EAF2: variants seen among roughly 807,000 people sequenced by gnomAD.
EAF2 encodes ELL associated factor 2.
EAF2 carries 29 observed loss-of-function variants against 29.4 expected under a neutral mutation model. The observed-to-expected ratio is 0.99, with a 90% CI of 0.73 to 1.35. The LOEUF is 1.35. EAF2 is among the 40% of genes most tolerant of loss of function. The pLI is 0.00. For synonymous variants in EAF2, 103 were observed against 102.5 expected, an observed-to-expected ratio of 1.00 and a Z score of -0.03; for missense variants, 292 against 312.0, an observed-to-expected ratio of 0.94 and a Z score of 0.48.
chr3:121,885,250 C>T (rs890743801), intron 5 of EAF2, among the ~76,000 whole-genome samples: 1 of 152,124 alleles, frequency 6.6e-6, no homozygotes, highest in African/African-American at 2.4e-5. Flanking sequence ...TTTAATTAGT[C>T]CTATAAACTC....
intron 4 of EAF2, among the ~76,000 whole-genome samples, chr3:121,863,114 G>A (rs1708862563): frequency 6.6e-6 from 1 of 152,192 alleles, no homozygotes; most frequent in Non-Finnish European, 1.5e-5. Flanking sequence ...CTACTGGGAG[G>A]TGTCTCCCAG....
intron 2 of EAF2, among the ~76,000 whole-genome samples, chr3:121,846,085 G>C (rs146647572): frequency 1.3e-5 from 2 of 152,114 alleles, no homozygotes; most frequent in Non-Finnish European, 2.9e-5. Flanking sequence ...TTGTAATGGG[G>C]TGGTTTTGTG....
intron 4 of EAF2, among the ~76,000 whole-genome samples, chr3:121,861,574 G>A (rs1425748716): frequency 3.3e-5 from 5 of 152,088 alleles, no homozygotes; most frequent in Non-Finnish European, 7.4e-5. Flanking sequence ...CTCTGCATGT[G>A]AGATGTGTCT....
chr3:121,835,903 G>A (rs1416438454), intron 1 of EAF2, among the ~76,000 whole-genome samples: 2 of 152,058 alleles, frequency 1.3e-5, no homozygotes, highest in African/African-American at 4.8e-5. Context: ...TATCTCTTTG[G>A]ACCCCAGATT....
At chr3:121,840,516 A>ACC in intron 1 of EAF2, among the ~76,000 whole-genome samples, 1 of 108,648 alleles carries the variant, frequency 9.2e-6, no homozygotes, top group South Asian at 2.9e-4. Flanking sequence ...AAAGAAAAAA[A>ACC]AAAAACGGGC....
At position 121,872,733 on chromosome 3, in the gene EAF2, A is replaced by G. The variant is rs1709036918; in HGVS notation, c.681A>G (p.Ile227Met). ...TGACACAGTACAGGATTCCTGATAT[A>G]GATGCCAGTCATAATAGATTTCGAG... ...PTMTQYRIPD[I>M]DASHNRFRDN... is the part of the protein sequence containing the mutation. The change falls in exon 5 of 6, where the codon ATA becomes ATG. Residue 227 changes from isoleucine to methionine, a missense_variant. By Grantham distance (10) the Ile-to-Met change is conservative. Transcript: ENST00000273668. 1 of 1,612,622 alleles carries G rather than the reference A, an allele frequency of 6.2e-7. No individual in the cohort carries two copies. The highest frequency in any genetic ancestry group is 1.7e-5 in the Admixed American group (1 of 59,926).
intron 4 of EAF2, among the ~76,000 whole-genome samples, chr3:121,860,358 G>A (rs1708804410): frequency 6.6e-6 from 1 of 152,130 alleles, no homozygotes; most frequent in African/African-American, 2.4e-5. Flanking sequence ...GCCTGTATTG[G>A]TCTATTCAGG....
At chr3:121,855,681 C>T (rs965675968) in intron 3 of EAF2, among the ~76,000 whole-genome samples, 2 of 152,112 alleles carry the variant, frequency 1.3e-5, no homozygotes, top group Non-Finnish European at 2.9e-5. Flanking sequence ...CTGATTTATT[C>T]AGGGCCAATG....
In EAF2 at chr3:121,849,996, C is replaced by T. The variant is rs1031140571; in HGVS notation, c.202-4691C>T. Reference sequence around the variant, plus strand: ...TTGTGTGTTCACAGAATCTTAGTGTCTCTTCCTTTTATTTAGCTGATATTT... The same window carrying T: ...TTGTGTGTTCACAGAATCTTAGTGTTTCTTCCTTTTATTTAGCTGATATTT... On this transcript the variant is annotated intron_variant, in intron 2 of 5. Transcript: ENST00000273668. 2.9e-5 allele frequency among the ~76,000 whole-genome samples: 4 copies of T among 140,218 alleles called. No homozygotes were observed. The East Asian group carries it at 6.1e-4, about 21-fold the overall frequency. The allele number at this position is 140,218 out of a possible 152,430, so 92.0% of individuals were successfully genotyped here.
intron 4 of EAF2, among the ~76,000 whole-genome samples, chr3:121,868,096 ATTACT>A (rs1708954900): frequency 2.0e-5 from 3 of 152,344 alleles, no homozygotes; most frequent in African/African-American, 7.2e-5. Flanking sequence ...TATATCAATA[ATTACT>A]TTAAACATAT....
At chr3:121,836,333 T>C (rs2107484967) in intron 1 of EAF2, 1 of 152,346 alleles carries the variant, frequency 6.6e-6, no homozygotes, top group East Asian at 1.9e-4. Flanking sequence ...TCAGTCATTC[T>C]GTTCTCGGGT....
intron 4 of EAF2, among the ~76,000 whole-genome samples, chr3:121,871,288 G>T (rs1332765022): frequency 3.3e-5 from 5 of 151,234 alleles, no homozygotes; most frequent in Admixed American, 6.6e-5. Flanking sequence ...AAAAGTACAT[G>T]CTGAGTGAAT....
At chr3:121,864,586 C>T (rs1411133074) in intron 4 of EAF2, among the ~76,000 whole-genome samples, 1 of 152,002 alleles carries the variant, frequency 6.6e-6, no homozygotes, top group Non-Finnish European at 1.5e-5. Flanking sequence ...GAGGACAAGG[C>T]AGATGGATCA....
At chr3:121,870,946 G>C (rs926257847) in intron 4 of EAF2, among the ~76,000 whole-genome samples, 2 of 152,044 alleles carry the variant, frequency 1.3e-5, no homozygotes, top group African/African-American at 2.4e-5. Context: ...TACCTTGCTG[G>C]TTGGAGTGTA....
intron 4 of EAF2, among the ~76,000 whole-genome samples, chr3:121,863,957 T>G (rs1369320561): frequency 6.6e-6 from 1 of 152,142 alleles, no homozygotes; most frequent in Non-Finnish European, 1.5e-5. Context: ...CATCTTCCTG[T>G]CAAAATTTTT....
intron 4 of EAF2, among the ~76,000 whole-genome samples, chr3:121,865,672 A>G (rs527729046): frequency 4.5e-4 from 68 of 151,900 alleles, no homozygotes; most frequent in Non-Finnish European, 8.5e-4. Context: ...ATAAAAAAAA[A>G]TATTTTTTTA....
chr3:121,853,690 T>C (rs1204730791), intron 2 of EAF2, among the ~76,000 whole-genome samples: 4 of 152,230 alleles, frequency 2.6e-5, no homozygotes, highest in Admixed American at 1.3e-4. Flanking sequence ...TACTTCTATC[T>C]GGATGTATTT....
intron 4 of EAF2, 29 bp from the exon 5 acceptor site, chr3:121,872,508 C>T: frequency 3.4e-6 from 5 of 1,466,256 alleles, no homozygotes; most frequent in African/African-American, 1.4e-5. Context: ...TTTATTTAAC[C>T]TATCTATTCA....
intron 1 of EAF2, among the ~76,000 whole-genome samples, chr3:121,840,704 G>A (rs1236604087): frequency 6.6e-6 from 1 of 150,436 alleles, no homozygotes; most frequent in Non-Finnish European, 1.5e-5. Flanking sequence ...CCATTCGGGA[G>A]GCTGAGGCAG....
Sources: allele counts gnomAD v4.1 joint callset (sites outside exome capture counted in the v4.1 genomes callset), GRCh38; gene constraint gnomAD v4.1.1; transcripts MANE v1.5; gene names NCBI Gene and HGNC (gene_info 2026-07-23, HGNC 2026-07-21).